DNMT3A: variants seen among roughly 807,000 people sequenced by gnomAD.
DNMT3A encodes the protein DNA (cytosine-5)-methyltransferase 3A.
A neutral mutation model predicts 117.6 loss-of-function variants in DNMT3A; 267 were observed. The observed-to-expected ratio is 2.27, with a 90% confidence interval of 2.05 to 2.51. DNMT3A has a LOEUF of 2.51. Among genes scored for constraint, DNMT3A ranks in the 30% most tolerant of loss-of-function variants. DNMT3A has a pLI of 0.00. For synonymous variants in DNMT3A, 432 were observed against 474.8 expected (o/e 0.91, Z 1.17); for missense variants, 1,029 against 1,260.2 (o/e 0.82, Z 2.78).
chr2:25,242,865 A>C (rs923685764), intron 16 of DNMT3A, among the ~76,000 whole-genome samples: 1 of 152,092 alleles, frequency 6.6e-6, no homozygotes, highest in Non-Finnish European at 1.5e-5. Context: ...TAAGGAGGGA[A>C]TGGTTCAAGT....
intron 3 of DNMT3A, among the ~76,000 whole-genome samples, chr2:25,290,424 G>T (rs184599005): frequency 6.6e-6 from 1 of 151,398 alleles, no homozygotes. Flanking sequence ...GGGTTCAAGC[G>T]ATTCTCCTGC....
chr2:25,305,441 T>C lies in DNMT3A; in HGVS notation c.73-5198A>G, dbSNP rs1019143930. Reference sequence around the variant, plus strand: ...ATGCGCTGGGCTATGACGATAATAATCTCTCACATTTGCACTGAACGTGGT... The same window carrying C: ...ATGCGCTGGGCTATGACGATAATAACCTCTCACATTTGCACTGAACGTGGT... On this transcript the variant is annotated intron_variant, in intron 2 of 22. Coordinates refer to ENST00000321117, the MANE Select transcript of DNMT3A (RefSeq NM_022552.5). The surrounding 1 kb of genome is among the most constrained non-coding windows in gnomAD (Gnocchi z 4.1). 6.6e-6 allele frequency among the ~76,000 whole-genome samples: 1 copy of C among 152,234 alleles called. No homozygotes were observed. Among genetic ancestry groups the C allele is most frequent in the Non-Finnish European group, 1.5e-5 (1 of 68,046 alleles).
chr2:25,278,993 C>G (rs2031678647), intron 4 of DNMT3A, among the ~76,000 whole-genome samples: 1 of 152,194 alleles, frequency 6.6e-6, no homozygotes, highest in Non-Finnish European at 1.5e-5. Flanking sequence ...TTCTAAATTC[C>G]TGGGTGCTGC....
rs1310115437 is a variant in DNMT3A, at chr2:25,340,510, C to T, written c.-178+1316G>A. 2.0e-5 allele frequency among the ~76,000 whole-genome samples: 3 copies of T among 151,808 alleles called. No homozygotes were observed. The East Asian group carries it at 5.9e-4, about 30-fold the overall frequency. On this transcript the variant is annotated intron_variant, in intron 1 of 22. Coordinates refer to ENST00000321117, the MANE Select transcript of DNMT3A (RefSeq NM_022552.5). ...CCTGGACCCGCGCCAGCCCGGTCCG[C>T]GCCGAAGGGGAGGGAAGGCAGGGCG...
intron 1 of DNMT3A, among the ~76,000 whole-genome samples, chr2:25,336,582 A>G (rs946049266): frequency 1.3e-5 from 2 of 152,106 alleles, no homozygotes; most frequent in Non-Finnish European, 2.9e-5. Flanking sequence ...AGAAAGAATC[A>G]GGATCCGACA....
At chr2:25,246,474 G>C in intron 10 of DNMT3A, 146 bp downstream of exon 10, 1 of 1,432,322 alleles carries the variant, frequency 7.0e-7, no homozygotes, top group East Asian at 2.3e-5. Context: ...TTCAAGTCCT[G>C]ACCCCAGGGC....
chr2:25,257,067 G>A lies in DNMT3A; in HGVS notation c.640-8815C>T, dbSNP rs531320884. Among the ~76,000 whole-genome samples, 3 of 152,336 alleles carry A rather than the reference G, an allele frequency of 2.0e-5. No individual in the cohort carries two copies. The highest frequency in any genetic ancestry group is 2.1e-4 in the South Asian group (1 of 4,828). On this transcript the variant is annotated intron_variant, in intron 6 of 22. Coordinates refer to ENST00000321117, the MANE Select transcript of DNMT3A (RefSeq NM_022552.5). This position sits in a 1 kb window ranked among gnomAD's most constrained non-coding sequence, Gnocchi z 4.8. ...ACGAGGTCCCAGTCTACCAAAAGAG[G>A]CTGGGAATCTTTGTTTTCCTATTCC...
At chr2:25,292,924 C>T (rs921129125) in intron 3 of DNMT3A, among the ~76,000 whole-genome samples, 1 of 151,838 alleles carries the variant, frequency 6.6e-6, no homozygotes, top group Admixed American at 6.6e-5. Context: ...GGAAGGCCAC[C>T]AAGGCCAGGA....
intron 4 of DNMT3A, among the ~76,000 whole-genome samples, chr2:25,277,603 G>T (rs1339212567): frequency 6.6e-6 from 1 of 152,214 alleles, no homozygotes; most frequent in African/African-American, 2.4e-5. Context: ...TCCCCAGCCC[G>T]CTTTAGAACC....
At chr2:25,310,776 G>T (rs1308214768) in intron 2 of DNMT3A, among the ~76,000 whole-genome samples, 1 of 152,200 alleles carries the variant, frequency 6.6e-6, no homozygotes, top group East Asian at 1.9e-4. Flanking sequence ...TACACCAATA[G>T]TTCTCAACAT....
chr2:25,249,873 G>GC, intron 6 of DNMT3A: 1 of 892,216 alleles, frequency 1.1e-6, no homozygotes, highest in East Asian at 2.6e-5. Flanking sequence ...TTTTCTACAT[G>GC]CCTTTCAAAA....
At chr2:25,256,455 C>T (rs957974559) in intron 6 of DNMT3A, among the ~76,000 whole-genome samples, 10 of 152,200 alleles carry the variant, frequency 6.6e-5, no homozygotes, top group Non-Finnish European at 1.0e-4. Context: ...GTTCCTCTAG[C>T]CTTGCACTGT....
rs1055657409 is a variant in DNMT3A at position 25,230,175 on chromosome 2, C to G, written c.*4104G>C. The G allele has an allele frequency of 1.3e-5, 2 of 152,268 alleles. No homozygotes were observed. Among genetic ancestry groups the G allele is most frequent in the Non-Finnish European group, 2.9e-5 (2 of 68,060 alleles). The allele number at this position is 152,268 out of a possible 1,614,324, so 9.4% of individuals were successfully genotyped here. On this transcript the variant is annotated 3_prime_UTR_variant, in exon 23 of 23. Transcript: ENST00000321117. ...GCAAGAAGTCTCTGGGGCCTAGAGA[C>G]AAAAGGACAGCAACAGATTCATGTC...
rs146764455 is a variant in DNMT3A, at chr2:25,269,119, C to T, written c.639+5822G>A. On this transcript the variant is annotated intron_variant, in intron 6 of 22. Transcript: ENST00000321117. ...GGCGGATCACTTGGGGTCAGGAGTT[C>T]GAGACCAGCCAGGTCAACATAGCAA... Among the ~76,000 whole-genome samples the T allele has an allele frequency of 1.5e-3, 234 of 152,248 alleles. 1 individual carries two copies. Among genetic ancestry groups the T allele is most frequent in the African/African-American group, 4.8e-3 (201 of 41,542 alleles).
At chr2:25,268,290 G>A (rs1173310849) in intron 6 of DNMT3A, among the ~76,000 whole-genome samples, 2 of 152,198 alleles carry the variant, frequency 1.3e-5, no homozygotes, top group Admixed American at 6.5e-5. Flanking sequence ...CATGGTACCC[G>A]CTGCCTAGAC....
intron 16 of DNMT3A, among the ~76,000 whole-genome samples, chr2:25,242,281 C>G (rs1312316595): frequency 1.3e-5 from 2 of 152,062 alleles, no homozygotes; most frequent in Non-Finnish European, 2.9e-5. Flanking sequence ...ACAGAGGAGG[C>G]CTCCTTCATT....
At chr2:25,341,342 G>A (rs1034849110) in intron 1 of DNMT3A, among the ~76,000 whole-genome samples, 3 of 145,344 alleles carry the variant, frequency 2.1e-5, no homozygotes, top group African/African-American at 7.4e-5. Flanking sequence ...GATCCTTCTG[G>A]GTCGGGGTCC....
intron 1 of DNMT3A, among the ~76,000 whole-genome samples, chr2:25,321,796 G>A (rs1433649523): frequency 6.6e-6 from 1 of 152,190 alleles, no homozygotes; most frequent in Non-Finnish European, 1.5e-5. Context: ...TGATGTGGGA[G>A]GATCGCTCGA....
chr2:25,274,813 T>A, intron 6 of DNMT3A, 128 bp downstream of exon 6: 1 of 1,257,072 alleles, frequency 8.0e-7, no homozygotes, highest in Admixed American at 2.7e-5. Context: ...GAACCAGTCA[T>A]CATGACTAGA....
Sources: allele counts gnomAD v4.1 joint callset (sites outside exome capture counted in the v4.1 genomes callset), GRCh38; gene constraint gnomAD v4.1.1; non-coding constraint Gnocchi (gnomAD v3.1); transcripts MANE v1.5; gene names NCBI Gene and HGNC (gene_info 2026-07-23, HGNC 2026-07-21).